The following EPDR1 variants were observed in gnomAD, a reference collection of about 807,000 sequenced individuals.
The protein encoded by EPDR1 is mammalian ependymin-related protein 1.
Under a neutral mutation model 23.7 loss-of-function variants are expected in EPDR1, and 27 were observed. The ratio of observed to expected loss-of-function variants is 1.14; its 90% CI spans 0.84 to 1.57. EPDR1 has a LOEUF of 1.57. Ranked by LOEUF, EPDR1 falls within the 40% of genes most tolerant of loss-of-function variation. The pLI is 0.00. For missense variants in EPDR1, 349 were observed against 290.4 expected (o/e 1.20, Z -1.47); for synonymous variants, 137 against 118.2 (o/e 1.16, Z -1.03).
intron 1 of EPDR1, among the ~76,000 whole-genome samples, chr7:37,922,998 C>T (rs1279880411): frequency 6.6e-6 from 1 of 152,138 alleles, no homozygotes; most frequent in East Asian, 1.9e-4. Flanking sequence ...TGTATCCATG[C>T]CTGGTATGTG....
In EPDR1 at chr7:37,949,095, G is replaced by T; in HGVS notation, c.478+47G>T. 2 of 1,568,118 alleles carry T rather than the reference G, an allele frequency of 1.3e-6. No homozygotes were observed. The highest frequency in any genetic ancestry group is 1.7e-6 in the Non-Finnish European group (2 of 1,143,078). ...GCATTGTATTCAGCATGCATGATGG[G>T]GAAAAAGGTTTAAGTCCTTTAAGGA... On this transcript the variant is annotated intron_variant, in intron 2 of 2. Coordinates refer to ENST00000199448, the MANE Select transcript of EPDR1 (RefSeq NM_017549.5).
chr7:37,923,626 A>G (rs1273118070), intron 1 of EPDR1, among the ~76,000 whole-genome samples: 1 of 152,072 alleles, frequency 6.6e-6, no homozygotes, highest in East Asian at 1.9e-4. Flanking sequence ...GAAGCAGAGG[A>G]GTGTGTCAAA....
At chr7:37,935,939 C>A (rs556943135) in intron 1 of EPDR1, among the ~76,000 whole-genome samples, 56 of 134,474 alleles carry the variant, frequency 4.2e-4, no homozygotes, top group Non-Finnish European at 8.1e-4. Context: ...TTAATATTAA[C>A]AAAACTGTAG....
At chr7:37,935,387 C>T (rs1786027624) in intron 1 of EPDR1, among the ~76,000 whole-genome samples, 1 of 152,146 alleles carries the variant, frequency 6.6e-6, no homozygotes, top group African/African-American at 2.4e-5. Flanking sequence ...GATTTGTTTC[C>T]CTGTTAAACG....
chr7:37,948,864 T>G lies in EPDR1; in HGVS notation c.294T>G (p.Tyr98Ter). 6.2e-7 allele frequency: 1 copy of G among 1,614,200 alleles called. No homozygotes were observed. The highest frequency in any genetic ancestry group is 2.2e-5 in the East Asian group (1 of 44,876). Residue 98 changes from tyrosine to a stop codon, truncating the protein, a stop_gained, in exon 2 of 3, where the codon TAT (tyrosine) becomes TAG (stop). Coordinates refer to ENST00000199448, the MANE Select transcript of EPDR1 (RefSeq NM_017549.5). LOFTEE classifies it high-confidence loss of function. ...CKRLFEYILL[Y>*]KDGVMFQIDQ... ...GATTATTTGAATATATTTTGCTGTA[T>G]AAGGATGGAGTGATGTTTCAGATTG...
At chr7:37,940,496 G>C (rs983001882) in intron 1 of EPDR1, among the ~76,000 whole-genome samples, 7 of 152,114 alleles carry the variant, frequency 4.6e-5, no homozygotes, top group Non-Finnish European at 7.4e-5. Flanking sequence ...ACCACACAGA[G>C]AATAGGCTTA....
At chr7:37,945,006 G>A (rs1393947031) in intron 1 of EPDR1, among the ~76,000 whole-genome samples, 1 of 152,224 alleles carries the variant, frequency 6.6e-6, no homozygotes, top group Non-Finnish European at 1.5e-5. Context: ...TGGTGGTGAG[G>A]AGAACAATGA....
chr7:37,937,985 A>ATAT (rs1786088798), intron 1 of EPDR1, among the ~76,000 whole-genome samples: 1 of 72,424 alleles, frequency 1.4e-5, no homozygotes, highest in African/African-American at 4.8e-5. Context: ...TGCCCTTTAA[A>ATAT]TTTTTTTTTT....
chr7:37,922,668 G>GGGC (rs934853765), intron 1 of EPDR1, among the ~76,000 whole-genome samples: 3 of 151,604 alleles, frequency 2.0e-5, no homozygotes, highest in Non-Finnish European at 4.4e-5. Context: ...AGGAAGCTAG[G>GGGC]GGGGGGTTCT....
At chr7:37,930,353 G>A (rs1373532190) in intron 1 of EPDR1, among the ~76,000 whole-genome samples, 5 of 152,216 alleles carry the variant, frequency 3.3e-5, no homozygotes, top group Admixed American at 1.3e-4. Context: ...TCTGCCTGAC[G>A]CAGCATTGTC....
chr7:37,933,915 G>A (rs1447481297), intron 1 of EPDR1, among the ~76,000 whole-genome samples: 1 of 151,868 alleles, frequency 6.6e-6, no homozygotes, highest in Non-Finnish European at 1.5e-5. Flanking sequence ...CATGTTCCTA[G>A]GTCTGATTCA....
chr7:37,924,471 G>A (rs79409561), intron 1 of EPDR1, among the ~76,000 whole-genome samples: 10,355 of 152,164 alleles, frequency 0.068, 660 homozygotes, highest in East Asian at 0.18. Context: ...GTCTGTCTGA[G>A]CAACCCTTCT....
intron 1 of EPDR1, among the ~76,000 whole-genome samples, chr7:37,930,520 T>G (rs769946183): frequency 6.6e-6 from 1 of 152,212 alleles, no homozygotes; most frequent in Non-Finnish European, 1.5e-5. Context: ...TTCCTGTAGG[T>G]GTGGGAGTTC....
intron 1 of EPDR1, among the ~76,000 whole-genome samples, chr7:37,939,739 T>C (rs1230560902): frequency 1.3e-5 from 2 of 152,240 alleles, no homozygotes; most frequent in Non-Finnish European, 2.9e-5. Context: ...AACAAAAACC[T>C]AGTAGTCAGA....
chr7:37,945,329 A>G (rs1336215807), intron 1 of EPDR1, among the ~76,000 whole-genome samples: 2 of 152,176 alleles, frequency 1.3e-5, no homozygotes, highest in African/African-American at 4.8e-5. Context: ...ATTTCTTTCT[A>G]TATTCATTCT....
intron 1 of EPDR1, among the ~76,000 whole-genome samples, chr7:37,931,905 T>G (rs892488324): frequency 3.3e-5 from 5 of 152,124 alleles, no homozygotes; most frequent in Non-Finnish European, 4.4e-5. Flanking sequence ...AGAAAGGGTT[T>G]CACTGTGTTA....
chr7:37,929,319 G>C (rs1216501400), intron 1 of EPDR1, among the ~76,000 whole-genome samples: 1 of 152,142 alleles, frequency 6.6e-6, no homozygotes, highest in Non-Finnish European at 1.5e-5. Flanking sequence ...CAGGGGTTTT[G>C]TATGGTTGTT....
intron 1 of EPDR1, among the ~76,000 whole-genome samples, chr7:37,947,654 T>C (rs62443123): frequency 0.29 from 44,087 of 152,082 alleles, 6,459 homozygotes; most frequent in South Asian, 0.43. Context: ...CCCTCAAGTG[T>C]TGCAGATTTC....
intron 2 of EPDR1, 40 bp downstream of exon 2, chr7:37,949,088 A>G: frequency 2.5e-6 from 4 of 1,577,104 alleles, no homozygotes; most frequent in Non-Finnish European, 3.5e-6. Context: ...TTCAGCATGC[A>G]TGATGGGGAA....
Sources: gnomAD v4.1 joint callset for allele counts (sites outside exome capture counted in the v4.1 genomes callset) on GRCh38, gnomAD v4.1.1 for gene constraint, MANE v1.5 for transcripts, NCBI Gene and HGNC (gene_info 2026-07-23, HGNC 2026-07-21) for gene names.